MYO5A: variants seen among roughly 807,000 people sequenced by gnomAD.
MYO5A encodes the protein myosin VA.
In MYO5A, 98 loss-of-function variants were observed where a neutral mutation model predicts 249.7. The observed-to-expected ratio is 0.39, with a 90% CI of 0.33 to 0.46. MYO5A has a LOEUF of 0.46. Among genes scored for constraint, MYO5A ranks in the 20% least tolerant of loss-of-function variants. The pLI is 0.98. For synonymous variants in MYO5A, 778 were observed against 810.6 expected, an observed-to-expected ratio of 0.96 and a Z score of 0.68; for missense variants, 1,696 against 2,308.8, an observed-to-expected ratio of 0.73 and a Z score of 5.44.
chr15:52,501,098 T>A (rs1327144668), intron 1 of MYO5A, among the ~76,000 whole-genome samples: 1 of 151,608 alleles, frequency 6.6e-6, no homozygotes, highest in Non-Finnish European at 1.5e-5. Context: ...GCCTCCCGAG[T>A]AGCTGGGACT....
intron 5 of MYO5A, among the ~76,000 whole-genome samples, chr15:52,415,448 C>T (rs1382781177): frequency 6.6e-6 from 1 of 152,130 alleles, no homozygotes; most frequent in Admixed American, 6.5e-5. Flanking sequence ...ACAGGCATTT[C>T]TACTTTGTAT....
chr15:52,461,492 G>C (rs1046467502), intron 1 of MYO5A, among the ~76,000 whole-genome samples: 2 of 152,196 alleles, frequency 1.3e-5, no homozygotes, highest in Non-Finnish European at 2.9e-5. Flanking sequence ...AAACAGGCTA[G>C]CTTGCCCAAA....
chr15:52,495,179 A>G (rs1368483782), intron 1 of MYO5A, among the ~76,000 whole-genome samples: 2 of 152,236 alleles, frequency 1.3e-5, no homozygotes, highest in Non-Finnish European at 2.9e-5. Context: ...ATGGATAATG[A>G]AAATGTACTA....
intron 21 of MYO5A, 36 bp downstream of exon 21, chr15:52,372,088 C>T: frequency 1.2e-6 from 2 of 1,612,646 alleles, no homozygotes; most frequent in Admixed American, 1.7e-5. Context: ...TTTCTTCAGG[C>T]ATACTCCACT....
intron 18 of MYO5A, among the ~76,000 whole-genome samples, chr15:52,378,932 G>A (rs2041586699): frequency 6.6e-6 from 1 of 152,140 alleles, no homozygotes; most frequent in Non-Finnish European, 1.5e-5. Context: ...AGTAAAGTTG[G>A]AGAACTCTTT....
In MYO5A at chr15:52,482,797, G is replaced by C. The variant is rs576491669; in HGVS notation, c.27+45983C>G. Among the ~76,000 whole-genome samples the C allele has an allele frequency of 3.3e-5, 5 of 152,286 alleles. No homozygotes were observed. In the East Asian group the frequency reaches 9.7e-4, roughly 29 times the overall value. ...CTCAAGGCAAGGAGCCTGAGGCCCA[G>C]ATTCCTAATTTCTTGGCCCTAAATA... is the stretch of plus-strand genomic sequence containing the variant. On this transcript the variant is annotated intron_variant, in intron 1 of 41. Coordinates refer to ENST00000399233, the MANE Select transcript of MYO5A (RefSeq NM_001382347.1).
At chr15:52,508,965 C>CT (rs1472153368) in intron 1 of MYO5A, among the ~76,000 whole-genome samples, 1 of 151,008 alleles carries the variant, frequency 6.6e-6, no homozygotes, top group African/African-American at 2.5e-5. Flanking sequence ...GTGGATTCAA[C>CT]TTTTTTTGTA....
chr15:52,359,840 T>A (rs941713499), intron 25 of MYO5A, 128 bp downstream of exon 25: 2 of 724,770 alleles, frequency 2.8e-6, no homozygotes, highest in East Asian at 5.6e-5. Context: ...AAGTCACTTA[T>A]GAAGAATAAA....
At chr15:52,420,431 C>T (rs1422509264) in intron 4 of MYO5A, among the ~76,000 whole-genome samples, 1 of 151,902 alleles carries the variant, frequency 6.6e-6, no homozygotes, top group Non-Finnish European at 1.5e-5. Context: ...TGAGCTTGGC[C>T]CCCTTCCTGT....
intron 2 of MYO5A, among the ~76,000 whole-genome samples, chr15:52,429,328 C>T (rs537551486): frequency 6.6e-6 from 1 of 152,006 alleles, no homozygotes; most frequent in East Asian, 1.9e-4. Context: ...CCAAGGCGGG[C>T]GGATTACCTG....
chr15:52,414,920 A>G (rs2043410174), intron 5 of MYO5A, among the ~76,000 whole-genome samples: 1 of 152,094 alleles, frequency 6.6e-6, no homozygotes, highest in African/African-American at 2.4e-5. Flanking sequence ...TGTTCATCCT[A>G]TTTCAGAAAG....
rs114069490 is a variant in MYO5A, at chr15:52,417,537, C to A, written c.456-1236G>T. 3.1e-3 allele frequency among the ~76,000 whole-genome samples: 475 copies of A among 152,174 alleles called. 5 individuals are homozygous for A. The highest frequency in any genetic ancestry group is 0.011 in the African/African-American group (465 of 41,504). On this transcript the variant is annotated intron_variant, in intron 4 of 41. Transcript: ENST00000399233. ...ATGATCTGTATCCTCATGTGGTTGA[C>A]GGATGTTGTGGTTTGAATGTTCTCT...
Position 52,317,034 on chromosome 15 carries a change from G to A in MYO5A, c.5409+14C>T, listed in dbSNP as rs568236269. 14 of 1,609,400 alleles carry A rather than the reference G, an allele frequency of 8.7e-6. No homozygotes were observed. The highest frequency in any genetic ancestry group is 1.2e-5 in the Non-Finnish European group (14 of 1,175,722). ...GAATGTTAAATTATTTTGTAACAGGGAAAGTTGCTCTACCTGGGCAGTAGT... is the reference window on the plus strand; with the variant it reads ...GAATGTTAAATTATTTTGTAACAGGAAAAGTTGCTCTACCTGGGCAGTAGT... On this transcript the variant is annotated intron_variant, in intron 40 of 41. Coordinates refer to ENST00000399233, the MANE Select transcript of MYO5A (RefSeq NM_001382347.1).
chr15:52,348,713 T>C lies in MYO5A; in HGVS notation c.3858+105A>G, dbSNP rs547507761. On this transcript the variant is annotated intron_variant, in intron 29 of 41. Transcript: ENST00000399233. ...CACTTACAAATTCAAAATATCAAAA[T>C]AGACTTGGTCAGAAAGCATCAATTG... 255 of 995,036 alleles carry C rather than the reference T, an allele frequency of 2.6e-4. No individual in the cohort carries two copies. In the African/African-American group the frequency reaches 3.5e-3, roughly 14 times the overall value. The allele number at this position is 995,036 out of a possible 1,614,324, so 61.6% of individuals were successfully genotyped here. A position where few individuals can be genotyped will look rare whatever the true frequency, so the allele number is the denominator to read the frequency against.
At chr15:52,364,438 T>C in intron 24 of MYO5A, 116 bp downstream of exon 24, 1 of 957,422 alleles carries the variant, frequency 1.0e-6, no homozygotes, top group Non-Finnish European at 1.6e-6. Context: ...GTGTTGAACA[T>C]TCTGGAACTG....
intron 1 of MYO5A, among the ~76,000 whole-genome samples, chr15:52,519,599 G>A (rs1380504814): frequency 6.8e-6 from 1 of 148,054 alleles, no homozygotes; most frequent in Non-Finnish European, 1.5e-5. Flanking sequence ...GCAACAGAAC[G>A]AGACCTTGTC....
chr15:52,330,424 T>C lies in MYO5A; in HGVS notation c.4484A>G (p.Glu1495Gly). The change falls in exon 35 of 42, where the codon GAA (glutamate) becomes GGA (glycine). Residue 1495 changes from glutamate to glycine, a missense_variant. Physicochemically the swap from Glu to Gly is moderately conservative, Grantham distance 98. Transcript: ENST00000399233. ...TTCCAGCATCCCTTGGAAATCCTTT[T>C]CTTTCCTGGGAATGTTGACTGGTCG... ...PIRPVNIPRKEKDFQGMLEYK... is the reference protein window; with the variant it reads ...PIRPVNIPRKGKDFQGMLEYK... The C allele has an allele frequency of 6.2e-7, 1 of 1,614,148 alleles. No individual in the cohort carries two copies. The highest frequency in any genetic ancestry group is 1.1e-5 in the South Asian group (1 of 91,088).
intron 1 of MYO5A, among the ~76,000 whole-genome samples, chr15:52,523,942 T>A (rs908067435): frequency 2.3e-5 from 3 of 132,084 alleles, no homozygotes; most frequent in South Asian, 4.8e-4. Context: ...ATATTAGAAT[T>A]TCCAAGATCA....
chr15:52,345,715 T>C (rs2039590648), intron 30 of MYO5A, among the ~76,000 whole-genome samples: 1 of 152,210 alleles, frequency 6.6e-6, no homozygotes, highest in Non-Finnish European at 1.5e-5. Flanking sequence ...CAATGGATAT[T>C]GAGGGCTGAC....
Sources: allele counts gnomAD v4.1 joint callset (sites outside exome capture counted in the v4.1 genomes callset), GRCh38; gene constraint gnomAD v4.1.1; transcripts MANE v1.5; gene names NCBI Gene and HGNC (gene_info 2026-07-23, HGNC 2026-07-21).